Variants in SLC49A4 observed in about 807,000 individuals in gnomAD.
SLC49A4 encodes the protein disrupted in renal cancer protein 2.
SLC49A4 carries 36 observed loss-of-function variants against 50.6 expected under a neutral mutation model. The ratio of observed to expected loss-of-function variants is 0.71; its 90% CI spans 0.55 to 0.94. SLC49A4 has a LOEUF of 0.94. SLC49A4 is among the 40% of genes least tolerant of loss of function. SLC49A4 has a pLI of 0.00. For missense variants in SLC49A4, 503 were observed against 605.7 expected (o/e 0.83, Z 1.78); for synonymous variants, 248 against 241.2 (o/e 1.03, Z -0.26).
intron 6 of SLC49A4, 92 bp downstream of exon 6, chr3:122,856,466 G>C (rs1356091692): frequency 5.8e-6 from 7 of 1,211,424 alleles, no homozygotes; most frequent in Non-Finnish European, 8.3e-6. Flanking sequence ...TTACAATTCA[G>C]GGAAAAGTAA....
At chr3:122,873,707 A>T (rs905775846) in intron 8 of SLC49A4, among the ~76,000 whole-genome samples, 1 of 152,250 alleles carries the variant, frequency 6.6e-6, no homozygotes, top group Non-Finnish European at 1.5e-5. Context: ...ATATTAATGA[A>T]GTCAGAAGGC....
chr3:122,800,357 T>G (rs1936113269), intron 1 of SLC49A4, among the ~76,000 whole-genome samples: 1 of 152,158 alleles, frequency 6.6e-6, no homozygotes, highest in Non-Finnish European at 1.5e-5. Context: ...TTGAATGATG[T>G]GGTGAGTTTG....
intron 7 of SLC49A4, among the ~76,000 whole-genome samples, chr3:122,863,156 A>G (rs997267761): frequency 1.3e-5 from 2 of 152,204 alleles, no homozygotes; most frequent in East Asian, 1.9e-4. Context: ...TGAAAGATGT[A>G]TTTTTACCTT....
At position 122,826,779 on chromosome 3, in the gene SLC49A4, C is replaced by T. The variant is rs200972806; in HGVS notation, c.438-21C>T. On this transcript the variant is annotated intron_variant, in intron 2 of 8. Coordinates refer to ENST00000261038, the MANE Select transcript of SLC49A4 (RefSeq NM_032839.3). Reference sequence around the variant, plus strand: ...ATGCCTGTTTCAAATACCTCACAGCCTTTTAATTTTTAAATTCCAGATTAA... The same window carrying T: ...ATGCCTGTTTCAAATACCTCACAGCTTTTTAATTTTTAAATTCCAGATTAA... The T allele has an allele frequency of 1.3e-5, 21 of 1,608,828 alleles. No individual in the cohort carries two copies. The East Asian group carries it at 4.0e-4, about 31-fold the overall frequency.
chr3:122,816,875 A>G (rs933882156), intron 2 of SLC49A4, among the ~76,000 whole-genome samples: 3 of 152,138 alleles, frequency 2.0e-5, no homozygotes, highest in Non-Finnish European at 4.4e-5. Context: ...CTCTAATCTC[A>G]TTGGCCTGAA....
In SLC49A4 at chr3:122,862,873, A is replaced by G. The variant is rs369670336; in HGVS notation, c.1138+2671A>G. Among the ~76,000 whole-genome samples, 21 of 152,292 alleles carry G rather than the reference A, an allele frequency of 1.4e-4. No individual in the cohort carries two copies. The South Asian group carries it at 1.7e-3, about 12-fold the overall frequency. On this transcript the variant is annotated intron_variant, in intron 7 of 8. Transcript: ENST00000261038. ...TCTCTTTTTTTTGGTCTGGATTTGT[A>G]TGAGCATGTTTTAATTTTATAATCG...
chr3:122,833,526 T>C, intron 4 of SLC49A4, 80 bp downstream of exon 4: 1 of 1,382,196 alleles, frequency 7.2e-7, no homozygotes, highest in Non-Finnish European at 9.8e-7. Flanking sequence ...TAATTTAAGA[T>C]AGTAATTTTT....
At chr3:122,844,501 G>A (rs533676309) in intron 4 of SLC49A4, among the ~76,000 whole-genome samples, 145 of 152,286 alleles carry the variant, frequency 9.5e-4, no homozygotes, top group Admixed American at 2.2e-3. Context: ...CAAGAAGCGA[G>A]CCAGGTGCAA....
intron 3 of SLC49A4, among the ~76,000 whole-genome samples, chr3:122,831,795 G>A (rs575781072): frequency 3.3e-5 from 5 of 152,126 alleles, no homozygotes; most frequent in Non-Finnish European, 7.4e-5. Context: ...AATGCCAGTA[G>A]ATGGTCAAAG....
intron 3 of SLC49A4, among the ~76,000 whole-genome samples, chr3:122,828,734 C>T (rs780151267): frequency 1.3e-5 from 2 of 152,116 alleles, no homozygotes; most frequent in Non-Finnish European, 1.5e-5. Context: ...TAAAGCATTT[C>T]ACCTCCTTTA....
chr3:122,822,232 T>C (rs2107563453), intron 2 of SLC49A4, among the ~76,000 whole-genome samples: 1 of 152,336 alleles, frequency 6.6e-6, no homozygotes, highest in South Asian at 2.1e-4. Context: ...TTTGTCGTTT[T>C]TAATAGTCAG....
rs1012458031 is a variant in SLC49A4, at chr3:122,856,375, G to A, written c.1010+1G>A. The A allele has an allele frequency of 6.2e-7, 1 of 1,613,854 alleles. No homozygotes were observed. Among genetic ancestry groups the A allele is most frequent in the African/African-American group, 1.3e-5 (1 of 75,018 alleles). On this transcript the variant is annotated splice_donor_variant, in intron 6 of 8. Coordinates refer to ENST00000261038, the MANE Select transcript of SLC49A4 (RefSeq NM_032839.3). LOFTEE classifies it high-confidence loss of function. ...GTGTTGTTGGAATAGCTATGGCAAG[G>A]TGAGAATATTTTGTTAAACTTGTGA...
chr3:122,805,237 G>A (rs1488396030), intron 1 of SLC49A4, among the ~76,000 whole-genome samples: 1 of 152,164 alleles, frequency 6.6e-6, no homozygotes, highest in Non-Finnish European at 1.5e-5. Context: ...CAGTATGTAT[G>A]CATTACTTGT....
chr3:122,844,552 T>G (rs1936822031), intron 4 of SLC49A4, among the ~76,000 whole-genome samples: 3 of 151,906 alleles, frequency 2.0e-5, no homozygotes, highest in Admixed American at 1.3e-4. Flanking sequence ...GAGGCCAAGG[T>G]GGGTGGATCA....
chr3:122,824,185 C>T (rs756470295), intron 2 of SLC49A4, among the ~76,000 whole-genome samples: 24 of 152,200 alleles, frequency 1.6e-4, no homozygotes, highest in Non-Finnish European at 2.9e-4. Flanking sequence ...AACTTTGCAA[C>T]ACCACATAAG....
intron 7 of SLC49A4, among the ~76,000 whole-genome samples, chr3:122,864,316 A>C (rs568057777): frequency 1.3e-5 from 2 of 152,346 alleles, no homozygotes; most frequent in Admixed American, 1.3e-4. Flanking sequence ...AGATAACACG[A>C]GTTTCAAAAT....
At chr3:122,830,710 T>C (rs1936597112) in intron 3 of SLC49A4, among the ~76,000 whole-genome samples, 1 of 152,178 alleles carries the variant, frequency 6.6e-6, no homozygotes, top group African/African-American at 2.4e-5. Context: ...AGTAAATCTT[T>C]ATGACCTTGG....
chr3:122,855,257 G>A (rs936549966), intron 5 of SLC49A4, among the ~76,000 whole-genome samples: 2 of 152,168 alleles, frequency 1.3e-5, no homozygotes, highest in African/African-American at 4.8e-5. Context: ...GGAATGCTTA[G>A]GATAATTATT....
chr3:122,824,797 A>G (rs1163154484), intron 2 of SLC49A4, among the ~76,000 whole-genome samples: 53 of 143,468 alleles, frequency 3.7e-4, no homozygotes, highest in African/African-American at 1.3e-3. Context: ...CAGTGGCACA[A>G]TCTCTGCTCA....
Sources: allele counts gnomAD v4.1 joint callset (sites outside exome capture counted in the v4.1 genomes callset), GRCh38; gene constraint gnomAD v4.1.1; transcripts MANE v1.5; gene names NCBI Gene and HGNC (gene_info 2026-07-23, HGNC 2026-07-21).